Variants in IL1RAPL1 observed in about 807,000 individuals in gnomAD.
IL1RAPL1 encodes interleukin-1 receptor accessory protein-like 1.
A neutral mutation model predicts 48.4 loss-of-function variants in IL1RAPL1; 3 were observed. That is an observed-to-expected ratio of 0.06 (90% CI 0.03 to 0.16). The LOEUF (loss-of-function observed/expected upper bound fraction) is 0.16, where lower values mean the gene tolerates loss of function less well. Among genes scored for constraint, IL1RAPL1 ranks in the 10% least tolerant of loss-of-function variants. The pLI is 1.00. For missense variants in IL1RAPL1, 349 were observed against 530.6 expected (o/e 0.66, Z 3.36); for synonymous variants, 185 against 187.7 (o/e 0.99, Z 0.12).
intron 2 of IL1RAPL1, among the ~76,000 whole-genome samples, chrX:29,014,382 A>G (rs1432196142): frequency 6.3e-5 from 7 of 111,226 alleles, no homozygotes; most frequent in African/African-American, 2.3e-4. Context: ...TATTTTTCTA[A>G]CTTTTTGAAG....
chrX:29,623,297 A>C (rs771345943), intron 5 of IL1RAPL1, among the ~76,000 whole-genome samples: 43 of 110,163 alleles, frequency 3.9e-4, no homozygotes, highest in Non-Finnish European at 7.4e-4. Flanking sequence ...AAAAAAAAGA[A>C]AGAAAGAAAG....
rs764278408 is a variant in IL1RAPL1, at chrX:29,616,152, A to G, written c.704-52278A>G. Among the ~76,000 whole-genome samples, 9 of 111,841 alleles carry G rather than the reference A, an allele frequency of 8.0e-5. No individual in the cohort carries two copies. In the East Asian group the frequency reaches 2.5e-3, roughly 31 times the overall value. On this transcript the variant is annotated intron_variant, in intron 5 of 10. Transcript: ENST00000378993. Reference sequence around the variant, plus strand: ...TGAGAAAACTCATCTTGTGATGCCAAGAGAAGCAAAGTCTTCAAGATTCTT... The same window carrying G: ...TGAGAAAACTCATCTTGTGATGCCAGGAGAAGCAAAGTCTTCAAGATTCTT...
At chrX:28,878,781 A>G (rs779349163) in intron 2 of IL1RAPL1, among the ~76,000 whole-genome samples, 2 of 111,552 alleles carry the variant, frequency 1.8e-5, no homozygotes, top group South Asian at 7.7e-4. Flanking sequence ...GTTCATATAA[A>G]GCAATAGGGT....
chrX:29,945,946 C>T (rs6653829), intron 9 of IL1RAPL1, among the ~76,000 whole-genome samples: 23,458 of 110,054 alleles, frequency 0.21, 2,176 homozygotes, highest in African/African-American at 0.34. Flanking sequence ...TTAGCATTTC[C>T]AATTCCACAA....
intron 5 of IL1RAPL1, among the ~76,000 whole-genome samples, chrX:29,534,977 AAG>A (rs1569333088): frequency 9.3e-6 from 1 of 107,013 alleles, no homozygotes; most frequent in African/African-American, 3.4e-5. Flanking sequence ...CAAAAAAAAA[AAG>A]AGAAATTAAC....
intron 2 of IL1RAPL1, among the ~76,000 whole-genome samples, chrX:29,098,923 G>C (rs1928272259): frequency 8.9e-6 from 1 of 112,129 alleles, no homozygotes; most frequent in South Asian, 3.7e-4. Flanking sequence ...GGCTGAGGCT[G>C]GTGGATCATC....
intron 1 of IL1RAPL1, among the ~76,000 whole-genome samples, chrX:28,788,632 A>ATT (rs140618332): frequency 0.38 from 34,809 of 92,553 alleles, 5,750 homozygotes; most frequent in Middle Eastern, 0.52. Context: ...ACGCCCAGCT[A>ATT]TTTTTTTTTT....
intron 1 of IL1RAPL1, among the ~76,000 whole-genome samples, chrX:28,673,812 T>C (rs1236345081): frequency 1.8e-5 from 2 of 112,000 alleles, no homozygotes; most frequent in Non-Finnish European, 3.8e-5. Flanking sequence ...TGAAGGTACC[T>C]ATTTCACAAA....
intron 3 of IL1RAPL1, among the ~76,000 whole-genome samples, chrX:29,326,083 C>T (rs1485031777): frequency 1.8e-5 from 2 of 112,108 alleles, no homozygotes; most frequent in Non-Finnish European, 3.8e-5. Flanking sequence ...GACAAACATC[C>T]GAACTATCAG....
At chrX:28,696,515 TATAAG>T (rs1377264726) in intron 1 of IL1RAPL1, among the ~76,000 whole-genome samples, 1 of 110,888 alleles carries the variant, frequency 9.0e-6, no homozygotes, top group Non-Finnish European at 1.9e-5. Flanking sequence ...TCAAAATAGG[TATAAG>T]AGGAGGAGCA....
At chrX:28,683,095 A>T (rs931685766) in intron 1 of IL1RAPL1, among the ~76,000 whole-genome samples, 1 of 112,084 alleles carries the variant, frequency 8.9e-6, no homozygotes, top group East Asian at 2.8e-4. Flanking sequence ...ATTGCCCAGG[A>T]AACTATTCTC....
At chrX:28,656,302 G>A (rs1415723962) in intron 1 of IL1RAPL1, among the ~76,000 whole-genome samples, 2 of 111,060 alleles carry the variant, frequency 1.8e-5, no homozygotes, top group African/African-American at 6.5e-5. Context: ...GAGCCACTTT[G>A]CTGCCTCTAG....
intron 2 of IL1RAPL1, among the ~76,000 whole-genome samples, chrX:29,019,696 T>C (rs1926320702): frequency 8.9e-6 from 1 of 112,276 alleles, no homozygotes; most frequent in Admixed American, 9.5e-5. Context: ...ACGCCATAGA[T>C]ACAAATCTGG....
At chrX:29,722,030 C>T (rs757357223) in intron 6 of IL1RAPL1, among the ~76,000 whole-genome samples, 1 of 111,655 alleles carries the variant, frequency 9.0e-6, no homozygotes, top group South Asian at 3.7e-4. Context: ...CTGTTACCAT[C>T]TTTTTGCCCA....
At chrX:29,920,118 G>A (rs372256169) in intron 8 of IL1RAPL1, 24 bp downstream of exon 8, 14 of 1,206,116 alleles carry the variant, frequency 1.2e-5, no homozygotes, top group East Asian at 3.0e-5. Flanking sequence ...TCTAAGCTTC[G>A]GTGGTCAACT....
At position 29,134,841 on chromosome X, in the gene IL1RAPL1, T is replaced by G. The variant is rs73210083; in HGVS notation, c.83-148097T>G. On this transcript the variant is annotated intron_variant, in intron 2 of 10. Coordinates refer to ENST00000378993, the MANE Select transcript of IL1RAPL1 (RefSeq NM_014271.4). ...CAAACATATTCAAATACATAAAGAA[T>G]GATATACTGGACTAACGTATACCTA... is the stretch of plus-strand genomic sequence containing the variant. Among the ~76,000 whole-genome samples the G allele has an allele frequency of 1.9e-4, 21 of 111,748 alleles. No homozygotes were observed. In the Middle Eastern group the frequency reaches 0.028, roughly 146 times the overall value.
intron 1 of IL1RAPL1, among the ~76,000 whole-genome samples, chrX:28,601,027 A>G (rs1192944715): frequency 8.9e-6 from 1 of 112,013 alleles, no homozygotes; most frequent in African/African-American, 3.2e-5. Context: ...TAATTTTGCC[A>G]GTAAGTTTTT....
rs548019465 is a variant in IL1RAPL1 at position 29,381,491 on chromosome X, C to CAAAA, written c.363-14732_363-14729dup. 3.6e-3 allele frequency among the ~76,000 whole-genome samples: 23 copies of CAAAA among 6,463 alleles called. 8 individuals carry two copies. Among genetic ancestry groups the CAAAA allele is most frequent in the East Asian group, 0.01 (1 of 96 alleles). 5.6% of individuals were successfully genotyped at this position (6,463 alleles called of 115,157 possible). Reference sequence around the variant, plus strand: ...GTAACATAGGGAGACCTCATCTCTACAAAAAAAAAAAAAAAAAAAAAAAAA... The same window carrying CAAAA: ...GTAACATAGGGAGACCTCATCTCTACAAAAAAAAAAAAAAAAAAAAAAAAAAAAA... On this transcript the variant is annotated intron_variant, in intron 3 of 10. Coordinates refer to ENST00000378993, the MANE Select transcript of IL1RAPL1 (RefSeq NM_014271.4).
intron 2 of IL1RAPL1, among the ~76,000 whole-genome samples, chrX:29,137,376 C>T (rs772847311): frequency 9.0e-6 from 1 of 111,708 alleles, no homozygotes; most frequent in South Asian, 3.7e-4. Flanking sequence ...ACATATTCCA[C>T]ACAAGGTATA....
Sources: gnomAD v4.1 joint callset for allele counts (sites outside exome capture counted in the v4.1 genomes callset) on GRCh38, gnomAD v4.1.1 for gene constraint, MANE v1.5 for transcripts, NCBI Gene and HGNC (gene_info 2026-07-23, HGNC 2026-07-21) for gene names.